ARHGAP24: variants seen among roughly 807,000 people sequenced by gnomAD.
ARHGAP24 encodes the protein Rho GTPase activating protein 24.
A neutral mutation model predicts 76.4 loss-of-function variants in ARHGAP24; 50 were observed. That is an observed-to-expected ratio of 0.65 (90% CI 0.52 to 0.83). The LOEUF (loss-of-function observed/expected upper bound fraction) is 0.83, where lower values mean the gene tolerates loss of function less well. ARHGAP24 is among the 40% of genes least tolerant of loss of function. ARHGAP24 has a pLI of 0.00. For synonymous variants in ARHGAP24, 345 were observed against 323.3 expected (o/e 1.07, Z -0.72); for missense variants, 930 against 914.2 (o/e 1.02, Z -0.22).
chr4:85,666,188 T>G (rs897714231), intron 2 of ARHGAP24, among the ~76,000 whole-genome samples: 1 of 152,202 alleles, frequency 6.6e-6, no homozygotes, highest in Non-Finnish European at 1.5e-5. Context: ...CACATAGTCC[T>G]GTATTTCTTG....
intron 3 of ARHGAP24, among the ~76,000 whole-genome samples, chr4:85,894,264 C>T (rs1181991909): frequency 6.6e-6 from 1 of 151,922 alleles, no homozygotes; most frequent in East Asian, 1.9e-4. Flanking sequence ...ACCTTCACAC[C>T]AGGGTTAATG....
intron 3 of ARHGAP24, among the ~76,000 whole-genome samples, chr4:85,859,808 A>T (rs781199807): frequency 6.6e-6 from 1 of 152,154 alleles, no homozygotes; most frequent in Non-Finnish European, 1.5e-5. Flanking sequence ...GCAGGTGGGA[A>T]GAAACAGAAA....
chr4:85,794,635 A>G (rs1162037514), intron 3 of ARHGAP24, among the ~76,000 whole-genome samples: 1 of 152,086 alleles, frequency 6.6e-6, no homozygotes, highest in Non-Finnish European at 1.5e-5. Flanking sequence ...GGCATGCGCC[A>G]CCACACCTGG....
chr4:85,515,192 T>A (rs972936874), intron 1 of ARHGAP24, among the ~76,000 whole-genome samples: 10 of 152,182 alleles, frequency 6.6e-5, no homozygotes, highest in African/African-American at 2.4e-4. Flanking sequence ...TTCTATTATC[T>A]GAGAATTCCT....
rs763066734 is a variant in ARHGAP24, at chr4:85,974,889, G to T, written c.734G>T (p.Gly245Val). ...ATTTATTTTCTTCTTTGTACTCAGGGTGTTAAGGAATTAGCAAAGCAGGTG... is the reference window on the plus strand; with the variant it reads ...ATTTATTTTCTTCTTTGTACTCAGGTTGTTAAGGAATTAGCAAAGCAGGTG... Reference protein sequence around the residue: ...AKLLSKEEEAGVKELAKQVKS... With the variant: ...AKLLSKEEEAVVKELAKQVKS... Residue 245 changes from glycine (G) to valine (V), a missense_variant and splice_region_variant, in exon 7 of 10, where the codon GGT becomes GTT. Transcript: ENST00000395184. 5.6e-6 allele frequency: 9 copies of T among 1,613,268 alleles called. No individual in the cohort carries two copies. The highest frequency in any genetic ancestry group is 5.5e-5 in the South Asian group (5 of 91,062).
At chr4:85,514,453 T>C (rs1276487270) in intron 1 of ARHGAP24, among the ~76,000 whole-genome samples, 1 of 152,174 alleles carries the variant, frequency 6.6e-6, no homozygotes, top group Non-Finnish European at 1.5e-5. Context: ...AATTTTTCCT[T>C]TTTGCATGTG....
At chr4:85,748,902 C>T (rs535480199) in intron 3 of ARHGAP24, among the ~76,000 whole-genome samples, 5 of 152,156 alleles carry the variant, frequency 3.3e-5, no homozygotes, top group Non-Finnish European at 7.4e-5. Flanking sequence ...CGGCTCTTGT[C>T]CTCATGTATC....
chr4:85,485,399 A>G (rs1322531300), intron 1 of ARHGAP24, among the ~76,000 whole-genome samples: 1 of 122,950 alleles, frequency 8.1e-6, no homozygotes, highest in Non-Finnish European at 1.6e-5. Flanking sequence ...ATATATATAT[A>G]TATATATATA....
At chr4:85,931,946 T>C (rs1250087062) in intron 4 of ARHGAP24, among the ~76,000 whole-genome samples, 1 of 152,176 alleles carries the variant, frequency 6.6e-6, no homozygotes, top group African/African-American at 2.4e-5. Context: ...CATCTTTTTT[T>C]TGATTTGCCA....
At chr4:85,901,459 A>G (rs1461818365) in intron 3 of ARHGAP24, among the ~76,000 whole-genome samples, 2 of 152,214 alleles carry the variant, frequency 1.3e-5, no homozygotes, top group African/African-American at 4.8e-5. Context: ...CACATAGTAG[A>G]CCAGTAGGAC....
chr4:85,600,449 G>T (rs1383260636), intron 2 of ARHGAP24, among the ~76,000 whole-genome samples: 2 of 152,190 alleles, frequency 1.3e-5, no homozygotes, highest in East Asian at 3.8e-4. Flanking sequence ...AGGAATACTA[G>T]TTATGAAAGC....
At chr4:85,998,789 G>T (rs951852171) in intron 9 of ARHGAP24, among the ~76,000 whole-genome samples, 20 of 152,204 alleles carry the variant, frequency 1.3e-4, no homozygotes, top group African/African-American at 4.8e-4. Flanking sequence ...AACAGTTAAT[G>T]TTCCAAGCTC....
chr4:85,733,068 T>TTTTTTTTTTTTTTTTTTTTTTTTTG (rs1448686238), intron 3 of ARHGAP24, among the ~76,000 whole-genome samples: 1 of 105,564 alleles, frequency 9.5e-6, no homozygotes, highest in Non-Finnish European at 2.0e-5. Context: ...AACTTTTTTT[T>TTTTTTTTTTTTTTTTTTTTTTTTTG]TTTTTTTTTT....
chr4:85,789,852 T>C (rs1728037573), intron 3 of ARHGAP24, among the ~76,000 whole-genome samples: 1 of 152,316 alleles, frequency 6.6e-6, no homozygotes, highest in East Asian at 1.9e-4. Context: ...CAGTATGATA[T>C]TTTGTCTTCT....
rs1254897727 is a variant in ARHGAP24, at chr4:86,001,172, C to G, written c.*450C>G. ...TTTTTGCTGAGGAAATGAAGATAAG[C>G]AAAAATATAAATATATATATAAATA... On this transcript the variant is annotated 3_prime_UTR_variant, in exon 10 of 10. Coordinates refer to ENST00000395184, the MANE Select transcript of ARHGAP24 (RefSeq NM_001025616.3). 1 of 392,836 alleles carries G rather than the reference C, an allele frequency of 2.5e-6. No individual in the cohort carries two copies. The highest frequency in any genetic ancestry group is 4.5e-6 in the Non-Finnish European group (1 of 223,554). The allele number at this position is 392,836 out of a possible 1,614,324, so 24.3% of individuals were successfully genotyped here. A position where few individuals can be genotyped will look rare whatever the true frequency, so the allele number is the denominator to read the frequency against.
intron 1 of ARHGAP24, among the ~76,000 whole-genome samples, chr4:85,511,865 T>A (rs970526398): frequency 2.0e-5 from 3 of 152,178 alleles, no homozygotes; most frequent in Non-Finnish European, 4.4e-5. Context: ...CTTCCTTTCC[T>A]CTTCCTAGTT....
intron 3 of ARHGAP24, among the ~76,000 whole-genome samples, chr4:85,856,475 T>TTTC (rs1731574830): frequency 6.7e-6 from 1 of 149,302 alleles, no homozygotes; most frequent in African/African-American, 2.5e-5. Context: ...ATTACTCTTT[T>TTTC]TTTTTTTTTT....
chr4:85,815,915 T>G (rs892102216), intron 3 of ARHGAP24, among the ~76,000 whole-genome samples: 2 of 152,134 alleles, frequency 1.3e-5, no homozygotes, highest in African/African-American at 4.8e-5. Context: ...GGCCTCACAA[T>G]CATGGTGGAA....
chr4:85,816,737 C>A (rs1423808606), intron 3 of ARHGAP24, among the ~76,000 whole-genome samples: 1 of 152,122 alleles, frequency 6.6e-6, no homozygotes, highest in East Asian at 1.9e-4. Context: ...TGGGAGTGCA[C>A]ATATCCATTC....
Sources: gnomAD v4.1 joint callset for allele counts (sites outside exome capture counted in the v4.1 genomes callset) on GRCh38, gnomAD v4.1.1 for gene constraint, MANE v1.5 for transcripts, NCBI Gene and HGNC (gene_info 2026-07-23, HGNC 2026-07-21) for gene names.